GPM6A: variants seen among roughly 807,000 people sequenced by gnomAD.
The protein encoded by GPM6A is glycoprotein M6A.
GPM6A carries 7 observed loss-of-function variants against 32.1 expected under a neutral mutation model. That is an observed-to-expected ratio of 0.22 (90% CI 0.12 to 0.41). GPM6A has a LOEUF of 0.41. GPM6A is among the 10% of genes least tolerant of loss of function. The pLI is 1.00. For missense variants in GPM6A, 235 were observed against 347.2 expected, an observed-to-expected ratio of 0.68 and a Z score of 2.57; for synonymous variants, 130 against 123.4, an observed-to-expected ratio of 1.05 and a Z score of -0.35.
chr4:175,663,661 AAATCAATC>A (rs1391789296), intron 3 of GPM6A, among the ~76,000 whole-genome samples: 1 of 152,058 alleles, frequency 6.6e-6, no homozygotes, highest in Non-Finnish European at 1.5e-5. Flanking sequence ...TTGTCAATTT[AAATCAATC>A]AATCAATCAA....
At chr4:175,875,272 A>G (rs2111446288) in intron 1 of GPM6A, among the ~76,000 whole-genome samples, 1 of 152,160 alleles carries the variant, frequency 6.6e-6, no homozygotes, top group South Asian at 2.1e-4. Flanking sequence ...CTGTTCCTCT[A>G]TTCTTTTTGC....
intron 1 of GPM6A, among the ~76,000 whole-genome samples, chr4:175,898,450 T>C (rs543095017): frequency 1.3e-5 from 2 of 152,156 alleles, no homozygotes; most frequent in Non-Finnish European, 2.9e-5. Context: ...ATGGAAACAT[T>C]TGTCTGATTT....
At chr4:175,727,329 C>T (rs1731216537) in intron 1 of GPM6A, among the ~76,000 whole-genome samples, 2 of 152,052 alleles carry the variant, frequency 1.3e-5, no homozygotes, top group South Asian at 2.1e-4. Context: ...CATATCAGAA[C>T]GTGTACAGTG....
At chr4:175,781,808 C>A (rs1692410716) in intron 1 of GPM6A, among the ~76,000 whole-genome samples, 1 of 152,148 alleles carries the variant, frequency 6.6e-6, no homozygotes, top group African/African-American at 2.4e-5. Flanking sequence ...AATGTCCTGT[C>A]TAAAAGTTTA....
At chr4:175,859,036 G>A (rs1736497843) in intron 1 of GPM6A, among the ~76,000 whole-genome samples, 1 of 152,192 alleles carries the variant, frequency 6.6e-6, no homozygotes, top group South Asian at 2.1e-4. Context: ...TATGGTGATA[G>A]AAGGAAGATT....
intron 1 of GPM6A, among the ~76,000 whole-genome samples, chr4:175,859,380 A>C (rs1358211619): frequency 6.6e-6 from 1 of 152,216 alleles, no homozygotes; most frequent in Non-Finnish European, 1.5e-5. Context: ...GTGTCTGTGC[A>C]TTTAAGCGAC....
At chr4:175,794,338 CAT>C (rs1395019368) in intron 1 of GPM6A, among the ~76,000 whole-genome samples, 2 of 152,186 alleles carry the variant, frequency 1.3e-5, no homozygotes, top group African/African-American at 4.8e-5. Flanking sequence ...TAGATTTACA[CAT>C]GTGAGTCCTT....
rs757003932 is a variant in GPM6A at position 175,651,796 on chromosome 4, A to G, written c.541+38T>C. 1.7e-5 allele frequency: 27 copies of G among 1,548,452 alleles called. No homozygotes were observed. In the South Asian group the frequency reaches 2.5e-4, roughly 15 times the overall value. On this transcript the variant is annotated intron_variant, in intron 4 of 6. Transcript: ENST00000393658. ...AGCTATGTAGGTAACACAATATGGG[A>G]TGGTGTTTTACAGTTTAGAGATCCA...
chr4:175,634,576 T>A lies in GPM6A; in HGVS notation c.*329A>T, dbSNP rs1355554912. Reference sequence around the variant, plus strand: ...GAAATAATGCAAAAGGTGTTATGTATAACACATGGGAAGTGGTTAAAAATC... The same window carrying A: ...GAAATAATGCAAAAGGTGTTATGTAAAACACATGGGAAGTGGTTAAAAATC... On this transcript the variant is annotated 3_prime_UTR_variant, in exon 7 of 7. Coordinates refer to ENST00000393658, the MANE Select transcript of GPM6A (RefSeq NM_201591.3). The A allele has an allele frequency of 8.6e-6, 2 of 231,306 alleles. No homozygotes were observed. The highest frequency in any genetic ancestry group is 1.7e-5 in the Non-Finnish European group (2 of 118,936). The allele number at this position is 231,306 out of a possible 1,614,324, so 14.3% of individuals were successfully genotyped here.
chr4:175,703,478 A>G (rs1473790984), intron 1 of GPM6A, among the ~76,000 whole-genome samples: 1 of 152,032 alleles, frequency 6.6e-6, no homozygotes, highest in Non-Finnish European at 1.5e-5. Context: ...GCCTAATTTA[A>G]CTATTATTCA....
Position 175,919,184 on chromosome 4 carries a change from G to T in GPM6A, c.-23+83125C>A, listed in dbSNP as rs182627743. On this transcript the variant is annotated intron_variant, in intron 1 of 7. Coordinates refer to the GPM6A transcript ENST00000280187. ...ATAAAAAGAACTCAACCCTTCTCAT[G>T]ATTTTTCTTTTTTTTCCCCTTCTCA... Among the ~76,000 whole-genome samples the T allele has an allele frequency of 8.8e-4, 134 of 152,156 alleles. 1 individual carries two copies. Among genetic ancestry groups the T allele is most frequent in the African/African-American group, 2.9e-3 (121 of 41,514 alleles).
intron 1 of GPM6A, among the ~76,000 whole-genome samples, chr4:175,754,471 T>A (rs764577438): frequency 6.6e-6 from 1 of 152,150 alleles, no homozygotes; most frequent in Non-Finnish European, 1.5e-5. Context: ...TACAAATGGG[T>A]TCATGTTAAA....
chr4:175,771,041 C>T (rs966651337), intron 1 of GPM6A, among the ~76,000 whole-genome samples: 2 of 152,172 alleles, frequency 1.3e-5, no homozygotes, highest in Non-Finnish European at 2.9e-5. Context: ...TGTAATGCCT[C>T]TTCGTTCCTC....
At chr4:175,987,501 C>T (rs898704299) in intron 1 of GPM6A, among the ~76,000 whole-genome samples, 1 of 149,736 alleles carries the variant, frequency 6.7e-6, no homozygotes, top group Admixed American at 6.7e-5. Flanking sequence ...TTAAGACAAA[C>T]TTACTTTTGT....
At chr4:175,834,767 A>G (rs971769501) in intron 1 of GPM6A, among the ~76,000 whole-genome samples, 3 of 152,208 alleles carry the variant, frequency 2.0e-5, no homozygotes, top group African/African-American at 4.8e-5. Context: ...GAAAACAAAA[A>G]TACATCTCTT....
chr4:175,988,637 A>G (rs1296236617), intron 1 of GPM6A, among the ~76,000 whole-genome samples: 1 of 152,204 alleles, frequency 6.6e-6, no homozygotes, highest in East Asian at 1.9e-4. Context: ...CTAAAGATGC[A>G]GTGATCAAAA....
intron 1 of GPM6A, among the ~76,000 whole-genome samples, chr4:175,936,797 T>TG (rs1296246903): frequency 6.6e-6 from 1 of 151,884 alleles, no homozygotes; most frequent in Non-Finnish European, 1.5e-5. Context: ...TAAATTGTAG[T>TG]GGGGGGTTCA....
intron 1 of GPM6A, among the ~76,000 whole-genome samples, chr4:175,762,918 G>A (rs1398332830): frequency 6.6e-6 from 1 of 152,052 alleles, no homozygotes; most frequent in Non-Finnish European, 1.5e-5. Flanking sequence ...AGAGAGGGAA[G>A]GGAAATGAGG....
At chr4:175,702,198 T>C (rs1170545591) in intron 1 of GPM6A, among the ~76,000 whole-genome samples, 1 of 152,202 alleles carries the variant, frequency 6.6e-6, no homozygotes, top group Admixed American at 6.5e-5. Context: ...TTTTTATTGA[T>C]GTGTCATAGT....
Sources: gnomAD v4.1 joint callset for allele counts (sites outside exome capture counted in the v4.1 genomes callset) on GRCh38, gnomAD v4.1.1 for gene constraint, MANE v1.5 for transcripts, NCBI Gene and HGNC (gene_info 2026-07-23, HGNC 2026-07-21) for gene names.